The following LRRC24 variants were observed in gnomAD, a reference collection of about 807,000 sequenced individuals.
The protein encoded by LRRC24 is leucine rich repeat containing 24.
In LRRC24, 19 loss-of-function variants were observed where a neutral mutation model predicts 15.3. That is an observed-to-expected ratio of 1.25 (90% CI 0.87 to 1.83). The LOEUF (loss-of-function observed/expected upper bound fraction) is 1.83, where lower values mean the gene tolerates loss of function less well. LRRC24 is among the 40% of genes most tolerant of loss of function. The probability of loss-of-function intolerance (pLI) is 0.00; values close to 1 mark genes in which losing one functional copy is unlikely to be tolerated. For missense variants in LRRC24, 914 were observed against 723.9 expected, an observed-to-expected ratio of 1.26 and a Z score of -3.01; for synonymous variants, 469 against 359.6, an observed-to-expected ratio of 1.30 and a Z score of -3.44.
chr8:144,526,058 G>C (rs1036056123), intron 1 of LRRC24: 6 of 152,218 alleles, frequency 3.9e-5, no homozygotes, highest in African/African-American at 1.4e-4. Flanking sequence ...CAGGTGTCCT[G>C]TCTCCCAGCC....
Position 144,524,997 on chromosome 8 carries a change from C to T in LRRC24, c.-23G>A. The T allele has an allele frequency of 1.4e-6, 2 of 1,427,238 alleles. No individual in the cohort carries two copies. Among genetic ancestry groups the T allele is most frequent in the South Asian group, 1.4e-5 (1 of 69,166 alleles). The allele number at this position is 1,427,238 out of a possible 1,614,324, so 88.4% of individuals were successfully genotyped here. On this transcript the variant is annotated 5_prime_UTR_variant, in exon 2 of 5. Coordinates refer to ENST00000529415, the MANE Select transcript of LRRC24 (RefSeq NM_001024678.4). Reference sequence around the variant, plus strand: ...CATCTCCCGAGGCCCGGTTCCTCACCGGCCCTTCCGCGGTTCAGCCGCAGA... The same window carrying T: ...CATCTCCCGAGGCCCGGTTCCTCACTGGCCCTTCCGCGGTTCAGCCGCAGA...
At chr8:144,526,233 A>G (rs1396483400) in intron 1 of LRRC24, 1 of 152,244 alleles carries the variant, frequency 6.6e-6, no homozygotes, top group Non-Finnish European at 1.5e-5. Context: ...CACAGCAATA[A>G]AGTTTTAATG....
rs897596224 is a variant in LRRC24, at chr8:144,524,383, C to T, written c.438+58G>A. 14 of 1,594,100 alleles carry T rather than the reference C, an allele frequency of 8.8e-6. No homozygotes were observed. The African/African-American group carries it at 1.3e-4, about 15-fold the overall frequency. ...GGTTGCCTTTTCTAACTATTCCAGC[C>T]CTACAGGGCGAGGGGCCATAATGGA... On this transcript the variant is annotated intron_variant, in intron 3 of 4. Coordinates refer to ENST00000529415, the MANE Select transcript of LRRC24 (RefSeq NM_001024678.4).
intron 3 of LRRC24, 59 bp from the exon 4 acceptor site, chr8:144,524,337 T>C: frequency 3.1e-6 from 5 of 1,599,562 alleles, no homozygotes; most frequent in Non-Finnish European, 4.2e-6. Context: ...GGCATGTCTC[T>C]CTTCTTACCA....
Position 144,522,606 on chromosome 8 carries a change from A to T in LRRC24, c.1411T>A (p.Phe471Ile), listed in dbSNP as rs772510133. The change falls in exon 5 of 5, where the codon TTC (phenylalanine) becomes ATC (isoleucine). Residue 471 changes from phenylalanine to isoleucine, a missense_variant. Coordinates refer to ENST00000529415, the MANE Select transcript of LRRC24 (RefSeq NM_001024678.4). ...AGCGGCTTGGAGCGGTTGATGACGA[A>T]CATCTCGTGGCCGCGCTCGTCGCGG... ...ELRDERGHEM[F>I]VINRSKPLFA... 3.8e-6 allele frequency: 6 copies of T among 1,570,638 alleles called. No homozygotes were observed. In the African/African-American group the frequency reaches 7.0e-5, roughly 18 times the overall value.
chr8:144,523,992 G>A (rs1486348737), intron 4 of LRRC24, 118 bp downstream of exon 4: 1 of 1,198,076 alleles, frequency 8.3e-7, no homozygotes, highest in African/African-American at 1.5e-5. Context: ...TGCAGGCGGT[G>A]GTGCAGCCTT....
Position 144,524,097 on chromosome 8 carries a change from G to C in LRRC24, c.607+13C>G, listed in dbSNP as rs747462589. ...CGTGGCCCAGACAGAGACGCTTTCC[G>C]AGGAAGAGGTACCTGTGAGGCGCAG... On this transcript the variant is annotated intron_variant, in intron 4 of 4. Coordinates refer to ENST00000529415, the MANE Select transcript of LRRC24 (RefSeq NM_001024678.4). 2 of 1,592,102 alleles carry C rather than the reference G, an allele frequency of 1.3e-6. No individual in the cohort carries two copies. Among genetic ancestry groups the C allele is most frequent in the East Asian group, 2.3e-5 (1 of 44,318 alleles).
rs1304922165 is a variant in LRRC24, at chr8:144,525,026, G to A, written c.-52C>T. Reference sequence around the variant, plus strand: ...CCTTCCGCGGTTCAGCCGCAGACGCGTGCCCTCCTGAAACACAGGTTGGCA... The same window carrying A: ...CCTTCCGCGGTTCAGCCGCAGACGCATGCCCTCCTGAAACACAGGTTGGCA... On this transcript the variant is annotated 5_prime_UTR_variant, in exon 2 of 5. The change creates a new upstream start codon in the 5' untranslated region. Coordinates refer to ENST00000529415, the MANE Select transcript of LRRC24 (RefSeq NM_001024678.4). 3 of 1,380,902 alleles carry A rather than the reference G, an allele frequency of 2.2e-6. No individual in the cohort carries two copies. The highest frequency in any genetic ancestry group is 1.7e-5 in the South Asian group (1 of 59,590). The allele number at this position is 1,380,902 out of a possible 1,614,324, so 85.5% of individuals were successfully genotyped here.
chr8:144,524,517 A>G lies in LRRC24; in HGVS notation c.362T>C (p.Leu121Pro), dbSNP rs1291064900. 6.3e-7 allele frequency: 1 copy of G among 1,592,914 alleles called. No individual in the cohort carries two copies. Among genetic ancestry groups the G allele is most frequent in the Non-Finnish European group, 8.5e-7 (1 of 1,177,826 alleles). ...RGLRSGAFVG[L>P]AQLRVLYLAG... is the part of the protein sequence containing the mutation. ...CAGGTAGAGCACGCGCAGCTGGGCC[A>G]GGCCTACGAAGGCGCCGCTGCGCAA... The change falls in exon 3 of 5, where the codon CTG (leucine) becomes CCG (proline). Residue 121 changes from leucine (L) to proline (P), a missense_variant. Transcript: ENST00000529415.
chr8:144,522,846 C>T lies in LRRC24; in HGVS notation c.1171G>A (p.Ala391Thr), dbSNP rs1816173509. 7.4e-7 allele frequency: 1 copy of T among 1,346,478 alleles called. No individual in the cohort carries two copies. Among genetic ancestry groups the T allele is most frequent in the African/African-American group, 1.5e-5 (1 of 65,330 alleles). The allele number at this position is 1,346,478 out of a possible 1,614,324, so 83.4% of individuals were successfully genotyped here. The change falls in exon 5 of 5, where the codon GCG (alanine) becomes ACG (threonine). Residue 391 changes from alanine (A) to threonine (T), a missense_variant. Coordinates refer to ENST00000529415, the MANE Select transcript of LRRC24 (RefSeq NM_001024678.4). ...RPAGSEPRPE[A>T]GSMAFRALGV... is the part of the protein sequence containing the mutation. ...AGGGCGCGGAAGGCCATGCTGCCCG[C>T]CTCGGGCCGGGGCTCGCTGCCGGCG...
chr8:144,522,420 C>G lies in LRRC24; in HGVS notation c.*55G>C. 2 of 1,377,400 alleles carry G rather than the reference C, an allele frequency of 1.5e-6. No homozygotes were observed. The highest frequency in any genetic ancestry group is 9.3e-7 in the Non-Finnish European group (1 of 1,073,404). 85.3% of individuals were successfully genotyped at this position (1,377,400 alleles called of 1,614,324 possible). On this transcript the variant is annotated 3_prime_UTR_variant, in exon 5 of 5. Transcript: ENST00000529415. ...CTTCCACCTTTACTGACGGAGCATG[C>G]GCGAGGCCGCACCGGCCAATCTCCG...
At position 144,522,901 on chromosome 8, in the gene LRRC24, G is replaced by GGGCTGCTGC. The variant is rs755882710; in HGVS notation, c.1107_1115dup (p.Gln370_Pro372dup). The stretch of plus-strand genomic sequence containing the variant: ...GGGCGGCCGGAGGCGGCGGTTGCGC[G>GGGCTGCTGC]GGCTGCTGCGGCTGCTGCCGGGACG... On this transcript the variant is annotated inframe_insertion, in exon 5 of 5. Coordinates refer to ENST00000529415, the MANE Select transcript of LRRC24 (RefSeq NM_001024678.4). The GGGCTGCTGC allele has an allele frequency of 3.3e-4, 438 of 1,311,890 alleles. 1 individual carries two copies. The highest frequency in any genetic ancestry group is 5.5e-4 in the African/African-American group (36 of 65,128). The allele number at this position is 1,311,890 out of a possible 1,614,324, so 81.3% of individuals were successfully genotyped here.
chr8:144,526,914 C>T (rs1349724487), intron 1 of LRRC24, 46 bp downstream of exon 1: 2 of 152,300 alleles, frequency 1.3e-5, no homozygotes, highest in South Asian at 2.1e-4. Flanking sequence ...TCCCCGATCC[C>T]CCAGCGCCCC....
At position 144,522,861 on chromosome 8, in the gene LRRC24, C is replaced by G. The variant is rs1383796094; in HGVS notation, c.1156G>C (p.Glu386Gln). The change falls in exon 5 of 5, where the codon GAG (glutamate) becomes CAG (glutamine). Residue 386 changes from glutamate to glutamine, a missense_variant. Transcript: ENST00000529415. ...ATGCTGCCCGCCTCGGGCCGGGGCT[C>G]GCTGCCGGCGGGGCGGGCGGCCGGA... Reference protein sequence around the residue: ...PPPAARPAGSEPRPEAGSMAF... With the variant: ...PPPAARPAGSQPRPEAGSMAF... The G allele has an allele frequency of 7.9e-7, 1 of 1,271,230 alleles. No individual in the cohort carries two copies. Among genetic ancestry groups the G allele is most frequent in the African/African-American group, 1.6e-5 (1 of 64,284 alleles). The allele number at this position is 1,271,230 out of a possible 1,614,324, so 78.7% of individuals were successfully genotyped here. A position where few individuals can be genotyped will look rare whatever the true frequency, so the allele number is the denominator to read the frequency against.
Position 144,524,706 on chromosome 8 carries a change from T to C in LRRC24, c.173A>G (p.Gln58Arg). The C allele has an allele frequency of 6.8e-7, 1 of 1,460,806 alleles. No individual in the cohort carries two copies. The highest frequency in any genetic ancestry group is 1.4e-5 in the South Asian group (1 of 72,820). 90.5% of individuals were successfully genotyped at this position (1,460,806 alleles called of 1,614,324 possible). A position where few individuals can be genotyped will look rare whatever the true frequency, so the allele number is the denominator to read the frequency against. Residue 58 changes from glutamine (Q) to arginine (R), a missense_variant, in exon 3 of 5, where the codon CAG becomes CGG. Transcript: ENST00000529415. ...CTCTAGGCGGGCGATGTTGTTGTCC[T>C]GCAGGAACAGTGTCTGCAGGCCGGG... ...IPPGTQTLFL[Q>R]DNNIARLEPG...
Position 144,524,103 on chromosome 8 carries a change from G to C in LRRC24, c.607+7C>G. 1 of 1,593,148 alleles carries C rather than the reference G, an allele frequency of 6.3e-7. No individual in the cohort carries two copies. The highest frequency in any genetic ancestry group is 8.6e-7 in the Non-Finnish European group (1 of 1,165,282). ...CCAGACAGAGACGCTTTCCGAGGAAGAGGTACCTGTGAGGCGCAGGACTTG... is the reference window on the plus strand; with the variant it reads ...CCAGACAGAGACGCTTTCCGAGGAACAGGTACCTGTGAGGCGCAGGACTTG... On this transcript the variant is annotated splice_region_variant and intron_variant, in intron 4 of 4. Coordinates refer to ENST00000529415, the MANE Select transcript of LRRC24 (RefSeq NM_001024678.4).
rs1442360606 is a variant in LRRC24 at position 144,523,396 on chromosome 8, G to A, written c.621C>T (p.Arg207=). Residue 207 remains arginine (R), a synonymous_variant, in exon 5 of 5, where the codon CGC becomes CGT. Coordinates refer to ENST00000529415, the MANE Select transcript of LRRC24 (RefSeq NM_001024678.4). ...CCAGCCAGTGCAGGGCGCAGTCACA[G>A]CGCCATGGGTTCTCTGTGGGAGAGC... ...QVLRLTENPW[R]CDCALHWLGA... The A allele has an allele frequency of 5.2e-6, 8 of 1,537,568 alleles. No homozygotes were observed. In the South Asian group the frequency reaches 1.0e-4, roughly 19 times the overall value.
rs1816144895 is a variant in LRRC24 at position 144,522,511 on chromosome 8, G to GCGGAGT, written c.1500_1505dup (p.Leu501_Arg502dup). 2 of 1,497,440 alleles carry GCGGAGT rather than the reference G, an allele frequency of 1.3e-6. No homozygotes were observed. Among genetic ancestry groups the GCGGAGT allele is most frequent in the Non-Finnish European group, 1.8e-6 (2 of 1,128,462 alleles). The allele number at this position is 1,497,440 out of a possible 1,614,324, so 92.8% of individuals were successfully genotyped here. On this transcript the variant is annotated inframe_insertion, in exon 5 of 5. Transcript: ENST00000529415. ...TCTCGTAGGCGACCGGCGGGGGCAC[G>GCGGAGT]CGGAGTCCCGGCCCCGCCCCCTGTT...
At position 144,522,874 on chromosome 8, in the gene LRRC24, G is replaced by A. The variant is rs2130787808; in HGVS notation, c.1143C>T (p.Arg381=). The change falls in exon 5 of 5, where the codon CGC becomes CGT. Residue 381 remains arginine (R), a synonymous_variant. Coordinates refer to ENST00000529415, the MANE Select transcript of LRRC24 (RefSeq NM_001024678.4). ...QPAQPPPPAA[R]PAGSEPRPEA... is the part of the protein sequence containing the mutation. Reference sequence around the variant, plus strand: ...CGGGCCGGGGCTCGCTGCCGGCGGGGCGGGCGGCCGGAGGCGGCGGTTGCG... The same window carrying A: ...CGGGCCGGGGCTCGCTGCCGGCGGGACGGGCGGCCGGAGGCGGCGGTTGCG... 7.9e-7 allele frequency: 1 copy of A among 1,264,956 alleles called. No homozygotes were observed. Among genetic ancestry groups the A allele is most frequent in the South Asian group, 3.3e-5 (1 of 30,446 alleles). 78.4% of individuals were successfully genotyped at this position (1,264,956 alleles called of 1,614,324 possible).
Sources: allele counts gnomAD v4.1 joint callset, GRCh38; gene constraint gnomAD v4.1.1; transcripts MANE v1.5; gene names NCBI Gene and HGNC (gene_info 2026-07-23, HGNC 2026-07-21).